The following GABRB2 variants were observed in gnomAD, a reference collection of about 807,000 sequenced individuals.
GABRB2 encodes the protein gamma-aminobutyric acid receptor subunit beta-2.
A neutral mutation model predicts 54.7 loss-of-function variants in GABRB2; 16 were observed. That is an observed-to-expected ratio of 0.29 (90% CI 0.20 to 0.44). The LOEUF (loss-of-function observed/expected upper bound fraction) is 0.44. GABRB2 is among the 20% of genes least tolerant of loss of function. The pLI, the probability that GABRB2 is intolerant of heterozygous loss-of-function variation, is 1.00. For missense variants in GABRB2, 355 were observed against 644.0 expected, an observed-to-expected ratio of 0.55 and a Z score of 4.86; for synonymous variants, 244 against 233.8, an observed-to-expected ratio of 1.04 and a Z score of -0.40.
intron 9 of GABRB2, among the ~76,000 whole-genome samples, chr5:161,297,405 T>C (rs1478665621): frequency 6.6e-6 from 1 of 152,132 alleles, no homozygotes; most frequent in Non-Finnish European, 1.5e-5. Flanking sequence ...CTACATTAGG[T>C]ATTTCTCCTA....
At chr5:161,357,534 A>AT (rs56789068) in intron 5 of GABRB2, among the ~76,000 whole-genome samples, 10 of 151,284 alleles carry the variant, frequency 6.6e-5, no homozygotes, top group African/African-American at 2.4e-4. Flanking sequence ...AAAAAAAAAA[A>AT]TGATATGATC....
chr5:161,347,307 T>C (rs747068298), intron 5 of GABRB2, among the ~76,000 whole-genome samples: 4 of 152,238 alleles, frequency 2.6e-5, no homozygotes, highest in South Asian at 2.1e-4. Context: ...TTGAACTCAA[T>C]CTGCTTTAAC....
intron 3 of GABRB2, among the ~76,000 whole-genome samples, chr5:161,528,367 A>G (rs1760348692): frequency 6.6e-6 from 1 of 151,816 alleles, no homozygotes. Flanking sequence ...AAGTAACAAA[A>G]ATGATTCTGA....
intron 3 of GABRB2, among the ~76,000 whole-genome samples, chr5:161,479,701 T>C (rs536284558): frequency 6.6e-6 from 1 of 151,336 alleles, no homozygotes; most frequent in East Asian, 2.0e-4. Context: ...GCAATTCTCC[T>C]GCTTCAGCCT....
intron 4 of GABRB2, among the ~76,000 whole-genome samples, chr5:161,411,646 T>C (rs1756519607): frequency 1.3e-5 from 2 of 152,160 alleles, no homozygotes; most frequent in Admixed American, 6.6e-5. Context: ...CCCTAGACAA[T>C]ATACTCCTAT....
Position 161,292,120 on chromosome 5 carries a change from T to A in GABRB2, c.*1961A>T, listed in dbSNP as rs1000198283. ...GTGAAAAACAAAATACCATTCCATTTTGGGGCAAATTCAGAAAGCTGAAGG... is the reference window on the plus strand; with the variant it reads ...GTGAAAAACAAAATACCATTCCATTATGGGGCAAATTCAGAAAGCTGAAGG... On this transcript the variant is annotated 3_prime_UTR_variant, in exon 10 of 10. Transcript: ENST00000393959. The A allele has an allele frequency of 3.4e-4, 51 of 152,152 alleles. No individual in the cohort carries two copies. Among genetic ancestry groups the A allele is most frequent in the African/African-American group, 1.1e-3 (44 of 41,442 alleles). The allele number at this position is 152,152 out of a possible 1,614,324, so 9.4% of individuals were successfully genotyped here.
At chr5:161,323,447 C>T (rs1758275482) in intron 9 of GABRB2, among the ~76,000 whole-genome samples, 1 of 151,712 alleles carries the variant, frequency 6.6e-6, no homozygotes, top group Non-Finnish European at 1.5e-5. Context: ...TTAGATGCTT[C>T]ATCTTGATGG....
chr5:161,450,461 A>G (rs1035765525), intron 4 of GABRB2, among the ~76,000 whole-genome samples: 1 of 152,152 alleles, frequency 6.6e-6, no homozygotes, highest in Non-Finnish European at 1.5e-5. Context: ...AAGTCTCTCC[A>G]TTTCTAAGGC....
At chr5:161,420,540 G>C (rs2113143684) in intron 4 of GABRB2, among the ~76,000 whole-genome samples, 1 of 152,286 alleles carries the variant, frequency 6.6e-6, no homozygotes, top group East Asian at 1.9e-4. Context: ...GGAGGAGCGG[G>C]AGACCAGGGA....
chr5:161,494,838 T>C (rs1759182893), intron 3 of GABRB2, among the ~76,000 whole-genome samples: 1 of 151,876 alleles, frequency 6.6e-6, no homozygotes, highest in Non-Finnish European at 1.5e-5. Flanking sequence ...TAAGGAAGCA[T>C]TTCATCAACA....
At chr5:161,352,438 G>C (rs373990274) in intron 5 of GABRB2, among the ~76,000 whole-genome samples, 1 of 151,968 alleles carries the variant, frequency 6.6e-6, no homozygotes, top group Non-Finnish European at 1.5e-5. Context: ...ATTATGTTAA[G>C]TGAAATAAGG....
chr5:161,400,421 G>T (rs1756147629), intron 5 of GABRB2, among the ~76,000 whole-genome samples: 1 of 152,154 alleles, frequency 6.6e-6, no homozygotes, highest in East Asian at 1.9e-4. Context: ...AAGTAAACAC[G>T]TTTGCATTCC....
chr5:161,432,653 G>T (rs1227832285), intron 4 of GABRB2, among the ~76,000 whole-genome samples: 1 of 152,032 alleles, frequency 6.6e-6, no homozygotes, highest in Non-Finnish European at 1.5e-5. Flanking sequence ...TGAAACATAT[G>T]TCTGGAAAAG....
At chr5:161,294,707 C>T (rs1757334143) in intron 9 of GABRB2, among the ~76,000 whole-genome samples, 1 of 152,018 alleles carries the variant, frequency 6.6e-6, no homozygotes, top group Non-Finnish European at 1.5e-5. Context: ...TTCATTAGTT[C>T]TACTTAGGGC....
intron 4 of GABRB2, among the ~76,000 whole-genome samples, chr5:161,439,105 A>G (rs1757389718): frequency 6.6e-6 from 1 of 152,220 alleles, no homozygotes; most frequent in Non-Finnish European, 1.5e-5. Flanking sequence ...GCATTTAATA[A>G]TCAAATTCTC....
intron 5 of GABRB2, among the ~76,000 whole-genome samples, chr5:161,357,804 A>G (rs1159767788): frequency 6.6e-6 from 1 of 152,116 alleles, no homozygotes; most frequent in Admixed American, 6.6e-5. Flanking sequence ...GACAATTATG[A>G]CCTCAAGGTT....
intron 5 of GABRB2, among the ~76,000 whole-genome samples, chr5:161,394,740 C>A (rs1009488817): frequency 1.3e-5 from 2 of 151,806 alleles, no homozygotes; most frequent in African/African-American, 4.8e-5. Flanking sequence ...AACTTCAGGC[C>A]CAGATGACTT....
At chr5:161,394,066 A>G (rs1046419009) in intron 5 of GABRB2, among the ~76,000 whole-genome samples, 1 of 152,082 alleles carries the variant, frequency 6.6e-6, no homozygotes, top group Non-Finnish European at 1.5e-5. Context: ...AGATTACTAT[A>G]TATAGGAAAA....
intron 3 of GABRB2, among the ~76,000 whole-genome samples, chr5:161,496,878 A>G (rs1759264794): frequency 6.6e-6 from 1 of 152,112 alleles, no homozygotes; most frequent in Admixed American, 6.6e-5. Flanking sequence ...AAAATATTTT[A>G]TCCAAGAATA....
Sources: allele counts gnomAD v4.1 joint callset (sites outside exome capture counted in the v4.1 genomes callset), GRCh38; gene constraint gnomAD v4.1.1; transcripts MANE v1.5; gene names NCBI Gene and HGNC (gene_info 2026-07-23, HGNC 2026-07-21).